Variants in TTC21A observed in about 807,000 individuals in gnomAD.
TTC21A encodes the protein tetratricopeptide repeat protein 21A.
A neutral mutation model predicts 156.4 loss-of-function variants in TTC21A; 128 were observed. The observed-to-expected ratio is 0.82, with a 90% CI of 0.71 to 0.95. The LOEUF is 0.95. Among genes scored for constraint, TTC21A ranks in the 40% least tolerant of loss-of-function variants. TTC21A has a pLI of 0.00. For missense variants in TTC21A, 1,435 were observed against 1,602.3 expected, an observed-to-expected ratio of 0.90 and a Z score of 1.78; for synonymous variants, 587 against 617.1, an observed-to-expected ratio of 0.95 and a Z score of 0.72.
intron 9 of TTC21A, among the ~76,000 whole-genome samples, chr3:39,123,533 G>C (rs1305950724): frequency 3.9e-5 from 6 of 152,158 alleles, no homozygotes; most frequent in Non-Finnish European, 4.4e-5. Flanking sequence ...AGAAAAAAAG[G>C]TAAGTTCTCA....
At position 39,112,439 on chromosome 3, in the gene TTC21A, C is replaced by T. The variant is rs1377511010; in HGVS notation, c.436-19C>T. ...GTGCAGGACCAAGGACTTCATCTTT[C>T]ATCTTGTTCTCATCCCAGGCCTATG... On this transcript the variant is annotated intron_variant, in intron 4 of 28. Transcript: ENST00000683103. 1 of 1,613,664 alleles carries T rather than the reference C, an allele frequency of 6.2e-7. No individual in the cohort carries two copies. Among genetic ancestry groups the T allele is most frequent in the Non-Finnish European group, 8.5e-7 (1 of 1,179,794 alleles).
chr3:39,126,206 G>GTC, intron 11 of TTC21A, 55 bp from the exon 12 acceptor site: 2 of 1,602,874 alleles, frequency 1.2e-6, no homozygotes, highest in Non-Finnish European at 1.7e-6. Flanking sequence ...AGCTCCAGGA[G>GTC]TCTCTCTTAG....
In TTC21A at chr3:39,137,297, G is replaced by A. The variant is rs770315180; in HGVS notation, c.3360G>A (p.Arg1120=). The part of the protein sequence containing the change: ...PHSDSSQTQL[R]LLQGLCRLAT... ...CAGACTCCAGCCAGACCCAGCTGCG[G>A]CTGCTGCAGGGCCTCTGCCGGCTGG... Residue 1120 remains arginine (R), a synonymous_variant, in exon 25 of 29, where the codon CGG becomes CGA. Coordinates refer to ENST00000683103, the MANE Select transcript of TTC21A (RefSeq NM_001366900.1). 60 of 1,614,046 alleles carry A rather than the reference G, an allele frequency of 3.7e-5. No homozygotes were observed. Among genetic ancestry groups the A allele is most frequent in the Non-Finnish European group, 4.9e-5 (58 of 1,180,040 alleles).
At chr3:39,129,894 G>A (rs1327221935) in intron 15 of TTC21A, among the ~76,000 whole-genome samples, 185 bp from the exon 16 acceptor site, 1 of 152,218 alleles carries the variant, frequency 6.6e-6, no homozygotes, top group African/African-American at 2.4e-5. Context: ...CTACAGAGAT[G>A]GATGTGGAGA....
chr3:39,124,614 G>A (rs370944362), intron 9 of TTC21A, among the ~76,000 whole-genome samples: 12 of 133,152 alleles, frequency 9.0e-5, no homozygotes, highest in African/African-American at 2.9e-4. Flanking sequence ...AGCCAAGATC[G>A]TGCCACTTCA....
intron 20 of TTC21A, among the ~76,000 whole-genome samples, chr3:39,133,905 C>T (rs2038916699): frequency 6.6e-6 from 1 of 152,126 alleles, no homozygotes; most frequent in Admixed American, 6.5e-5. Context: ...ATACAGGGCA[C>T]CACTTGGAGG....
At position 39,114,445 on chromosome 3, in the gene TTC21A, G is replaced by A. The variant is rs543089288; in HGVS notation, c.559-140G>A. 5.2e-6 allele frequency: 4 copies of A among 767,896 alleles called. No homozygotes were observed. In the African/African-American group the frequency reaches 6.9e-5, roughly 13 times the overall value. 47.6% of individuals were successfully genotyped at this position (767,896 alleles called of 1,614,324 possible). A position where few individuals can be genotyped will look rare whatever the true frequency, so the allele number is the denominator to read the frequency against. ...CTCCCGGGAACTTTGAGGGGCTACTGGCCCAGCTGAGAGGACCCACGGTGC... is the reference window on the plus strand; with the variant it reads ...CTCCCGGGAACTTTGAGGGGCTACTAGCCCAGCTGAGAGGACCCACGGTGC... On this transcript the variant is annotated intron_variant, in intron 5 of 28. Coordinates refer to ENST00000683103, the MANE Select transcript of TTC21A (RefSeq NM_001366900.1).
chr3:39,114,974 C>T (rs2037153436), intron 6 of TTC21A, among the ~76,000 whole-genome samples: 1 of 152,148 alleles, frequency 6.6e-6, no homozygotes, highest in Non-Finnish European at 1.5e-5. Flanking sequence ...AATCAAGAAA[C>T]AGAGGGTAAA....
intron 11 of TTC21A, 29 bp downstream of exon 11, chr3:39,125,561 G>A (rs1171730696): frequency 1.3e-6 from 2 of 1,523,582 alleles, no homozygotes; most frequent in African/African-American, 2.7e-5. Flanking sequence ...TTCATGGTGG[G>A]GGTCTGGAGT....
In TTC21A at chr3:39,137,582, A is replaced by AC. The variant is rs2039228582; in HGVS notation, c.3552dup (p.Trp1185LeufsTer5). The AC allele has an allele frequency of 1.2e-6, 2 of 1,613,874 alleles. No individual in the cohort carries two copies. Among genetic ancestry groups the AC allele is most frequent in the Non-Finnish European group, 1.7e-6 (2 of 1,180,004 alleles). On this transcript the variant is annotated frameshift_variant, in exon 26 of 29. Transcript: ENST00000683103. LOFTEE classifies it high-confidence loss of function. Reference sequence around the variant, plus strand: ...TATGCAGTTGAAGCGCCTGGCCAAGACCCCCTGGGTGCTGAGTGAGGCTGA... The same window carrying AC: ...TATGCAGTTGAAGCGCCTGGCCAAGACCCCCCTGGGTGCTGAGTGAGGCTGA...
intron 12 of TTC21A, 77 bp downstream of exon 12, chr3:39,126,467 T>G (rs2038253185): frequency 8.1e-7 from 1 of 1,239,674 alleles, no homozygotes; most frequent in Non-Finnish European, 1.1e-6. Context: ...GCTCCTTGCC[T>G]AGGATACTAC....
Position 39,133,113 on chromosome 3 carries a change from C to T in TTC21A, c.2624C>T (p.Pro875Leu). ...CCACTGGAGCAACCAGAAATGATTC[C>T]CTCCCAGAAGCAACTGGCAGCCTCT... ...RVPLEQPEMI[P>L]SQKQLAASIC... is the part of the protein sequence containing the mutation. Residue 875 changes from proline (P) to leucine (L), a missense_variant, in exon 20 of 29, where the codon CCC (proline) becomes CTC (leucine). By Grantham distance (98) the Pro-to-Leu change is moderately conservative. Transcript: ENST00000683103. 6.2e-7 allele frequency: 1 copy of T among 1,614,232 alleles called. No homozygotes were observed. The highest frequency in any genetic ancestry group is 8.5e-7 in the Non-Finnish European group (1 of 1,180,036).
intron 12 of TTC21A, among the ~76,000 whole-genome samples, chr3:39,126,899 A>C (rs902257816): frequency 6.6e-6 from 1 of 152,232 alleles, no homozygotes; most frequent in African/African-American, 2.4e-5. Flanking sequence ...TTGACAACTG[A>C]ATACAAGCTC....
intron 20 of TTC21A, among the ~76,000 whole-genome samples, chr3:39,133,610 C>T (rs190292392): frequency 5.4e-4 from 82 of 152,288 alleles, no homozygotes; most frequent in African/African-American, 1.9e-3. Flanking sequence ...GCTGAGCTTC[C>T]AAGAGGGCCT....
intron 6 of TTC21A, among the ~76,000 whole-genome samples, chr3:39,116,870 A>G (rs1173590909): frequency 6.6e-6 from 1 of 151,970 alleles, no homozygotes; most frequent in African/African-American, 2.4e-5. Context: ...TTTTAGTTTT[A>G]TTTTTTAATT....
In TTC21A at chr3:39,120,870, C is replaced by T. The variant is rs186379719; in HGVS notation, c.901-127C>T. 1,229 of 777,234 alleles carry T rather than the reference C, an allele frequency of 1.6e-3. 5 individuals are homozygous for T. Among genetic ancestry groups the T allele is most frequent in the South Asian group, 2.5e-3 (130 of 52,558 alleles). 48.1% of individuals were successfully genotyped at this position (777,234 alleles called of 1,614,324 possible). On this transcript the variant is annotated intron_variant, in intron 8 of 28. Transcript: ENST00000683103. ...ACACAGACCCAGCTGCCTAGACACA[C>T]GGTACCTCTTGGCTCTCCTGGGCCT...
Position 39,125,180 on chromosome 3 carries a change from A to T in TTC21A, c.1191+20A>T. 2 of 1,590,742 alleles carry T rather than the reference A, an allele frequency of 1.3e-6. No individual in the cohort carries two copies. The highest frequency in any genetic ancestry group is 1.1e-5 in the South Asian group (1 of 90,568). On this transcript the variant is annotated intron_variant, in intron 10 of 28. Transcript: ENST00000683103. Reference sequence around the variant, plus strand: ...TCTGAGGTCAGAGCTCCCTGGGGGTATGGGTTGCTCCAGGATGATGTCCTC... The same window carrying T: ...TCTGAGGTCAGAGCTCCCTGGGGGTTTGGGTTGCTCCAGGATGATGTCCTC...
At chr3:39,132,914 C>A in intron 19 of TTC21A, 138 bp from the exon 20 acceptor site, 5 of 904,162 alleles carry the variant, frequency 5.5e-6, no homozygotes, top group African/African-American at 1.7e-5. Context: ...TTTGCCTATT[C>A]AGAGTGACCC....
chr3:39,111,578 G>C (rs555940222), intron 4 of TTC21A, among the ~76,000 whole-genome samples: 2 of 152,272 alleles, frequency 1.3e-5, no homozygotes, highest in Non-Finnish European at 2.9e-5. Flanking sequence ...TGAAGCCTCA[G>C]TCTAGGCCAT....
Sources: gnomAD v4.1 joint callset for allele counts (sites outside exome capture counted in the v4.1 genomes callset) on GRCh38, gnomAD v4.1.1 for gene constraint, MANE v1.5 for transcripts, NCBI Gene and HGNC (gene_info 2026-07-23, HGNC 2026-07-21) for gene names.